KIF18A: variants seen among roughly 807,000 people sequenced by gnomAD.
KIF18A encodes kinesin family member 18A, also known as kinesin-like protein KIF18A.
Under a neutral mutation model 103.3 loss-of-function variants are expected in KIF18A, and 67 were observed. The observed-to-expected ratio is 0.65, with a 90% CI of 0.53 to 0.79. KIF18A has a LOEUF of 0.79. Among genes scored for constraint, KIF18A ranks in the 30% least tolerant of loss-of-function variants. KIF18A has a pLI of 0.00. For synonymous variants in KIF18A, 367 were observed against 355.5 expected, an observed-to-expected ratio of 1.03 and a Z score of -0.36; for missense variants, 1,032 against 1,062.5, an observed-to-expected ratio of 0.97 and a Z score of 0.40.
At chr11:28,081,013 C>G (rs1590701641) in intron 9 of KIF18A, among the ~76,000 whole-genome samples, 1 of 152,142 alleles carries the variant, frequency 6.6e-6, no homozygotes, top group Non-Finnish European at 1.5e-5. Flanking sequence ...AAAGCCTTAT[C>G]CAGAGCAAGC....
In KIF18A at chr11:28,059,061, C is replaced by T. The variant is rs754478344; in HGVS notation, c.1813G>A (p.Glu605Lys). Residue 605 changes from glutamate (E) to lysine (K), a missense_variant, in exon 13 of 17, where the codon GAA (glutamate) becomes AAA (lysine). By Grantham distance (56) the Glu-to-Lys change is moderately conservative. Coordinates refer to ENST00000263181, the MANE Select transcript of KIF18A (RefSeq NM_031217.4). ...ACTTTTTTCCTCTCTACCAAATGTT[C>T]GATCTCTTTGAAGTCAGATTCAAAA... Reference protein sequence around the residue: ...AAFESDFKEIEHLVERKKVVV... With the variant: ...AAFESDFKEIKHLVERKKVVV... The T allele has an allele frequency of 4.0e-5, 65 of 1,613,868 alleles. No homozygotes were observed. The highest frequency in any genetic ancestry group is 6.7e-5 in the African/African-American group (5 of 74,886).
chr11:28,097,937 G>C lies in KIF18A; in HGVS notation c.11C>G (p.Thr4Ser). The C allele has an allele frequency of 6.4e-7, 1 of 1,567,310 alleles. No homozygotes were observed. The highest frequency in any genetic ancestry group is 8.6e-7 in the Non-Finnish European group (1 of 1,159,972). Residue 4 changes from threonine to serine, a missense_variant, in exon 2 of 17, where the codon ACT becomes AGT. By Grantham distance (58) the Thr-to-Ser change is moderately conservative. Coordinates refer to ENST00000263181, the MANE Select transcript of KIF18A (RefSeq NM_031217.4). Reference protein sequence around the residue: MSVTEEDLCHHMKV... With the variant: MSVSEEDLCHHMKV... Reference sequence around the variant, plus strand: ...CATATGGTGGCACAGGTCTTCCTCAGTGACAGACATTGTTGATTATCTTGA... The same window carrying C: ...CATATGGTGGCACAGGTCTTCCTCACTGACAGACATTGTTGATTATCTTGA...
In KIF18A at chr11:28,089,834, C is replaced by G. The variant is rs563587386; in HGVS notation, c.699+783G>C. On this transcript the variant is annotated intron_variant, in intron 5 of 16. Transcript: ENST00000263181. Reference sequence around the variant, plus strand: ...AAGTAAGATATTACTTAATTATAAACCCATTTATTAAATTGTTTTATAAAG... The same window carrying G: ...AAGTAAGATATTACTTAATTATAAAGCCATTTATTAAATTGTTTTATAAAG... Among the ~76,000 whole-genome samples, 9 of 152,286 alleles carry G rather than the reference C, an allele frequency of 5.9e-5. No homozygotes were observed. The East Asian group carries it at 1.3e-3, about 23-fold the overall frequency.
At chr11:28,022,676 C>G (rs1457154752) in intron 16 of KIF18A, among the ~76,000 whole-genome samples, 1 of 152,174 alleles carries the variant, frequency 6.6e-6, no homozygotes, top group African/African-American at 2.4e-5. Flanking sequence ...TACAGATACA[C>G]ATTTTTAAGC....
intron 9 of KIF18A, among the ~76,000 whole-genome samples, chr11:28,079,275 G>A (rs1851132189): frequency 6.6e-6 from 1 of 151,958 alleles, no homozygotes; most frequent in African/African-American, 2.4e-5. Context: ...TTGAGAAGCT[G>A]GAGAATTCTA....
At chr11:28,033,705 G>T (rs886559819) in intron 15 of KIF18A, among the ~76,000 whole-genome samples, 1 of 151,546 alleles carries the variant, frequency 6.6e-6, no homozygotes, top group African/African-American at 2.4e-5. Context: ...GTTACCAGAG[G>T]CTGGGAAGGG....
intron 13 of KIF18A, among the ~76,000 whole-genome samples, chr11:28,050,376 A>G (rs1850695846): frequency 6.6e-6 from 1 of 151,920 alleles, no homozygotes; most frequent in Non-Finnish European, 1.5e-5. Flanking sequence ...TGGAAAAAAT[A>G]TGGAAGATTT....
intron 13 of KIF18A, chr11:28,056,903 A>C (rs1850788348): frequency 2.6e-6 from 1 of 383,356 alleles, no homozygotes; most frequent in South Asian, 1.9e-5. Context: ...AGAAAAATGG[A>C]CTCTAGTTGG....
chr11:28,039,953 A>G (rs1416331977), intron 13 of KIF18A, among the ~76,000 whole-genome samples: 2 of 151,762 alleles, frequency 1.3e-5, no homozygotes, highest in Non-Finnish European at 2.9e-5. Context: ...CAGATGGTCA[A>G]TTCAGAACTA....
At chr11:28,105,713 A>G (rs1851495666) in intron 1 of KIF18A, among the ~76,000 whole-genome samples, 1 of 152,186 alleles carries the variant, frequency 6.6e-6, no homozygotes, top group Non-Finnish European at 1.5e-5. Flanking sequence ...AAAACTGATT[A>G]TGATTTCTCT....
chr11:28,083,142 C>G, intron 8 of KIF18A, 27 bp downstream of exon 8: 1 of 1,571,754 alleles, frequency 6.4e-7, no homozygotes, highest in Non-Finnish European at 8.6e-7. Context: ...CTGCGCAAGA[C>G]TAGCATAAAA....
chr11:28,076,832 G>T (rs1851097713), intron 10 of KIF18A, 175 bp downstream of exon 10: 2 of 374,656 alleles, frequency 5.3e-6, no homozygotes, highest in Admixed American at 4.5e-5. Context: ...TAGCTGGGAG[G>T]CTGAGGCAGG....
intron 15 of KIF18A, among the ~76,000 whole-genome samples, chr11:28,033,813 G>A (rs1850443898): frequency 6.6e-6 from 1 of 151,540 alleles, no homozygotes; most frequent in Non-Finnish European, 1.5e-5. Context: ...GGTAACTACA[G>A]TCAACAATAA....
At chr11:28,106,019 T>C (rs1258575798) in intron 1 of KIF18A, among the ~76,000 whole-genome samples, 1 of 152,226 alleles carries the variant, frequency 6.6e-6, no homozygotes, top group Admixed American at 6.5e-5. Flanking sequence ...AAATGTCAAA[T>C]ATAAGTCAAT....
At chr11:28,105,049 T>C (rs748525935) in intron 1 of KIF18A, among the ~76,000 whole-genome samples, 10 of 152,178 alleles carry the variant, frequency 6.6e-5, no homozygotes, top group Non-Finnish European at 1.3e-4. Flanking sequence ...ACAAAACCAC[T>C]ATTAAAATTT....
At chr11:28,069,610 G>C (rs990567763) in intron 10 of KIF18A, among the ~76,000 whole-genome samples, 187 bp from the exon 11 acceptor site, 1 of 151,926 alleles carries the variant, frequency 6.6e-6, no homozygotes, top group Admixed American at 6.6e-5. Context: ...ATAGGAAATT[G>C]AGCTGTGAGT....
At position 28,052,553 on chromosome 11, in the gene KIF18A, A is replaced by G. The variant is rs145719801; in HGVS notation, c.1948+6373T>C. Among the ~76,000 whole-genome samples, 46 of 152,216 alleles carry G rather than the reference A, an allele frequency of 3.0e-4. No individual in the cohort carries two copies. The East Asian group carries it at 8.9e-3, about 29-fold the overall frequency. On this transcript the variant is annotated intron_variant, in intron 13 of 16. Coordinates refer to ENST00000263181, the MANE Select transcript of KIF18A (RefSeq NM_031217.4). ...ATAGCTAGTCCTGTGAAGTCCTTCA[A>G]GTTTTATCAGTGAGATCCTCCCTGA... is the stretch of plus-strand genomic sequence containing the variant.
At chr11:28,101,124 A>G (rs1851441130) in intron 1 of KIF18A, among the ~76,000 whole-genome samples, 1 of 152,016 alleles carries the variant, frequency 6.6e-6, no homozygotes, top group Non-Finnish European at 1.5e-5. Context: ...GGGTAGGCCA[A>G]TTCTTCCTTG....
At chr11:28,036,112 T>G (rs1850483603) in intron 14 of KIF18A, 105 bp downstream of exon 14, 2 of 648,412 alleles carry the variant, frequency 3.1e-6, no homozygotes, top group Non-Finnish European at 5.1e-6. Flanking sequence ...TAAAACAGAC[T>G]GTTTTATAAT....
Sources: gnomAD v4.1 joint callset for allele counts (sites outside exome capture counted in the v4.1 genomes callset) on GRCh38, gnomAD v4.1.1 for gene constraint, MANE v1.5 for transcripts, NCBI Gene and HGNC (gene_info 2026-07-23, HGNC 2026-07-21) for gene names.